EEFSEC: variants seen among roughly 807,000 people sequenced by gnomAD.
The protein encoded by EEFSEC is eukaryotic elongation factor, selenocysteine-tRNA specific.
A neutral mutation model predicts 42.1 loss-of-function variants in EEFSEC; 43 were observed. The observed-to-expected ratio is 1.02, with a 90% CI of 0.80 to 1.32. The LOEUF (loss-of-function observed/expected upper bound fraction) is 1.32. Ranked by LOEUF, EEFSEC falls within the 40% of genes most tolerant of loss-of-function variation. The pLI is 0.00. For missense variants in EEFSEC, 745 were observed against 803.6 expected (o/e 0.93, Z 0.88); for synonymous variants, 354 against 339.1 (o/e 1.04, Z -0.48).
chr3:128,256,483 C>A (rs78050897), intron 2 of EEFSEC, among the ~76,000 whole-genome samples: 2,349 of 152,256 alleles, frequency 0.015, 62 homozygotes, highest in African/African-American at 0.052. Context: ...AGAAGAAATA[C>A]AACATTCGCA....
intron 6 of EEFSEC, among the ~76,000 whole-genome samples, chr3:128,380,499 C>G (rs2067762852): frequency 6.6e-6 from 1 of 152,186 alleles, no homozygotes; most frequent in African/African-American, 2.4e-5. Flanking sequence ...AGCCCTCCAC[C>G]ATGCTCTCTT....
intron 1 of EEFSEC, among the ~76,000 whole-genome samples, chr3:128,212,302 C>G (rs1414931590): frequency 6.6e-6 from 1 of 152,218 alleles, no homozygotes. Context: ...GGGGCTGACC[C>G]TCATCAGAGG....
intron 6 of EEFSEC, chr3:128,362,112 G>A (rs2107594461): frequency 2.5e-6 from 1 of 407,280 alleles, no homozygotes; most frequent in Non-Finnish European, 5.1e-6. Context: ...GTGGTGCTTG[G>A]AGAAGCACTG....
At chr3:128,154,626 A>AT (rs1435261112) in intron 1 of EEFSEC, among the ~76,000 whole-genome samples, 1 of 150,468 alleles carries the variant, frequency 6.6e-6, no homozygotes, top group African/African-American at 2.4e-5. Context: ...ATTTTTTTGT[A>AT]TTTTCAGTAG....
chr3:128,187,077 G>A (rs746659585), intron 1 of EEFSEC, among the ~76,000 whole-genome samples: 1 of 152,194 alleles, frequency 6.6e-6, no homozygotes, highest in Non-Finnish European at 1.5e-5. Context: ...TTCAAACCTT[G>A]AACATGAATA....
At chr3:128,337,372 G>C (rs1467567653) in intron 4 of EEFSEC, among the ~76,000 whole-genome samples, 1 of 152,184 alleles carries the variant, frequency 6.6e-6, no homozygotes, top group Non-Finnish European at 1.5e-5. Flanking sequence ...TCAGTCCTGA[G>C]AACACAAGCC....
chr3:128,388,494 G>A (rs1385501760), intron 6 of EEFSEC, among the ~76,000 whole-genome samples: 1 of 152,240 alleles, frequency 6.6e-6, no homozygotes, highest in Non-Finnish European at 1.5e-5. Context: ...CGTTTAGGTG[G>A]GGTCTGAGCC....
chr3:128,366,611 C>G (rs536064282), intron 6 of EEFSEC, among the ~76,000 whole-genome samples: 90 of 152,340 alleles, frequency 5.9e-4, no homozygotes, highest in Non-Finnish European at 8.5e-4. Context: ...CACAGTCACT[C>G]TGACTTTAGC....
At chr3:128,185,656 G>A (rs547965552) in intron 1 of EEFSEC, among the ~76,000 whole-genome samples, 1 of 152,136 alleles carries the variant, frequency 6.6e-6, no homozygotes, top group East Asian at 1.9e-4. Flanking sequence ...TGAACTCTTG[G>A]GCTCAAGCAA....
chr3:128,173,816 G>A (rs2065322163), intron 1 of EEFSEC, among the ~76,000 whole-genome samples: 1 of 152,148 alleles, frequency 6.6e-6, no homozygotes, highest in Non-Finnish European at 1.5e-5. Flanking sequence ...TACCAATACT[G>A]GGGAAGAGTT....
At chr3:128,394,648 T>C (rs372309243) in intron 6 of EEFSEC, among the ~76,000 whole-genome samples, 21 of 152,334 alleles carry the variant, frequency 1.4e-4, no homozygotes, top group African/African-American at 5.1e-4. Flanking sequence ...AGTATTAAAA[T>C]TCGGCTCCCT....
At chr3:128,294,297 G>A (rs1162484635) in intron 4 of EEFSEC, among the ~76,000 whole-genome samples, 1 of 152,178 alleles carries the variant, frequency 6.6e-6, no homozygotes, top group African/African-American at 2.4e-5. Flanking sequence ...AATAGAGTTT[G>A]CTGACCCTGT....
intron 1 of EEFSEC, among the ~76,000 whole-genome samples, chr3:128,231,608 C>A (rs989689306): frequency 5.9e-5 from 9 of 152,150 alleles, no homozygotes; most frequent in Non-Finnish European, 1.3e-4. Context: ...CCAACTCAGG[C>A]TGGCCCTCCC....
chr3:128,155,545 A>G lies in EEFSEC; in HGVS notation c.316+1722A>G, dbSNP rs559340640. On this transcript the variant is annotated intron_variant, in intron 1 of 6. Transcript: ENST00000254730. ...CAATAATATAAACACATGGTATAAA[A>G]GGGTATATAGCTAAAGAAGTATACT... Among the ~76,000 whole-genome samples, 23 of 152,374 alleles carry G rather than the reference A, an allele frequency of 1.5e-4. 1 individual carries two copies. The South Asian group carries it at 4.3e-3, about 29-fold the overall frequency.
In EEFSEC at chr3:128,341,668, C is replaced by T. The variant is rs773745897; in HGVS notation, c.1222C>T (p.Arg408Trp). 1.1e-5 allele frequency: 18 copies of T among 1,613,984 alleles called. No homozygotes were observed. The highest frequency in any genetic ancestry group is 9.3e-5 in the African/African-American group (7 of 74,940). The change falls in exon 5 of 7, where the codon CGG (arginine) becomes TGG (tryptophan). Residue 408 changes from arginine to tryptophan, a missense_variant. Transcript: ENST00000254730. Reference protein sequence around the residue: ...AGQATEGHCPRQQWALVEFEK... With the variant: ...AGQATEGHCPWQQWALVEFEK... Reference sequence around the variant, plus strand: ...CCAGGCCACAGAGGGCCATTGTCCTCGGCAGCAGTGGGCCCTGGTGGAGTT... The same window carrying T: ...CCAGGCCACAGAGGGCCATTGTCCTTGGCAGCAGTGGGCCCTGGTGGAGTT...
chr3:128,337,506 C>T (rs1295564678), intron 4 of EEFSEC, among the ~76,000 whole-genome samples: 1 of 152,188 alleles, frequency 6.6e-6, no homozygotes, highest in Non-Finnish European at 1.5e-5. Flanking sequence ...CAGGAAGGCT[C>T]ATAAACACAA....
At chr3:128,182,755 G>A (rs1347909745) in intron 1 of EEFSEC, among the ~76,000 whole-genome samples, 1 of 152,128 alleles carries the variant, frequency 6.6e-6, no homozygotes, top group African/African-American at 2.4e-5. Flanking sequence ...TGTGCAGTAG[G>A]GGTTAGGGTT....
chr3:128,279,913 G>A (rs999320568), intron 4 of EEFSEC, among the ~76,000 whole-genome samples: 7 of 152,222 alleles, frequency 4.6e-5, no homozygotes, highest in East Asian at 1.9e-4. Flanking sequence ...CAGTGCACAC[G>A]AGCTCAGTGT....
chr3:128,260,195 C>T (rs576149784), intron 2 of EEFSEC, among the ~76,000 whole-genome samples: 91 of 152,236 alleles, frequency 6.0e-4, no homozygotes, highest in African/African-American at 2.0e-3. Context: ...CTGGCCTCCA[C>T]GATTTCTCCT....
Sources: gnomAD v4.1 joint callset for allele counts (sites outside exome capture counted in the v4.1 genomes callset) on GRCh38, gnomAD v4.1.1 for gene constraint, MANE v1.5 for transcripts, NCBI Gene and HGNC (gene_info 2026-07-23, HGNC 2026-07-21) for gene names.